The following STXBP6 variants were observed in gnomAD, a reference collection of about 807,000 sequenced individuals.
STXBP6 encodes the protein syntaxin-binding protein 6.
In STXBP6, 21 loss-of-function variants were observed where a neutral mutation model predicts 26.9. That is an observed-to-expected ratio of 0.78 (90% CI 0.55 to 1.12). The LOEUF (loss-of-function observed/expected upper bound fraction) is 1.12. STXBP6 is among the 50% of genes most tolerant of loss of function. STXBP6 has a pLI of 0.00. For synonymous variants in STXBP6, 97 were observed against 92.6 expected, an observed-to-expected ratio of 1.05 and a Z score of -0.27; for missense variants, 232 against 257.9, an observed-to-expected ratio of 0.90 and a Z score of 0.69.
intron 1 of STXBP6, among the ~76,000 whole-genome samples, chr14:25,036,478 T>C (rs117586340): frequency 2.1e-4 from 32 of 152,284 alleles, no homozygotes; most frequent in Non-Finnish European, 4.3e-4. Flanking sequence ...TGAAAGTCTT[T>C]ACTGTACACA....
chr14:25,030,895 C>T (rs1051166718), intron 1 of STXBP6, among the ~76,000 whole-genome samples: 1 of 151,826 alleles, frequency 6.6e-6, no homozygotes, highest in Non-Finnish European at 1.5e-5. Flanking sequence ...TAGACACATC[C>T]CGATTTCCTT....
chr14:24,823,807 A>G (rs2068207774), intron 4 of STXBP6, among the ~76,000 whole-genome samples: 1 of 152,214 alleles, frequency 6.6e-6, no homozygotes, highest in African/African-American at 2.4e-5. Flanking sequence ...TTTTGGGAAA[A>G]TATAAATGTG....
In STXBP6 at chr14:24,812,658, G is replaced by C. The variant is rs753546013; in HGVS notation, c.*51C>G. ...GTCCCGAATTCTTGTAAAAACTGCT[G>C]AACAAACTCTTCAGTTTCTCTTAAG... On this transcript the variant is annotated 3_prime_UTR_variant, in exon 6 of 6. Transcript: ENST00000323944. 10 of 1,593,446 alleles carry C rather than the reference G, an allele frequency of 6.3e-6. No homozygotes were observed. The highest frequency in any genetic ancestry group is 1.7e-5 in the Admixed American group (1 of 59,912).
chr14:24,843,922 C>T (rs762397395), intron 4 of STXBP6, among the ~76,000 whole-genome samples: 2 of 152,150 alleles, frequency 1.3e-5, no homozygotes, highest in Non-Finnish European at 2.9e-5. Flanking sequence ...TTCAATAATA[C>T]CTGAGTTTAT....
chr14:24,979,596 T>G (rs1174006250), intron 1 of STXBP6, among the ~76,000 whole-genome samples: 1 of 152,238 alleles, frequency 6.6e-6, no homozygotes, highest in African/African-American at 2.4e-5. Context: ...ATAATGTTGA[T>G]GACACTAATC....
At chr14:24,861,085 T>C (rs1224006509) in intron 2 of STXBP6, among the ~76,000 whole-genome samples, 2 of 152,046 alleles carry the variant, frequency 1.3e-5, no homozygotes, top group Non-Finnish European at 2.9e-5. Context: ...CTGCACTAAA[T>C]AGCTATAGTT....
chr14:25,019,130 A>T (rs1232170961), intron 1 of STXBP6, among the ~76,000 whole-genome samples: 5 of 152,246 alleles, frequency 3.3e-5, no homozygotes, highest in Non-Finnish European at 7.3e-5. Context: ...ATTTGTCCAT[A>T]GAAACATGCT....
At chr14:25,043,379 A>AT (rs766073366) in intron 1 of STXBP6, among the ~76,000 whole-genome samples, 1 of 151,728 alleles carries the variant, frequency 6.6e-6, no homozygotes, top group Admixed American at 6.6e-5. Context: ...TTGTCTCATC[A>AT]TTTTTTTTTA....
intron 2 of STXBP6, among the ~76,000 whole-genome samples, chr14:24,930,431 T>A (rs1483924689): frequency 6.6e-6 from 1 of 152,240 alleles, no homozygotes; most frequent in Non-Finnish European, 1.5e-5. Context: ...TACCTGTGTA[T>A]GATGTCCTTG....
At chr14:24,975,848 A>C (rs1691388788) in intron 1 of STXBP6, among the ~76,000 whole-genome samples, 2 of 152,230 alleles carry the variant, frequency 1.3e-5, no homozygotes, top group Non-Finnish European at 2.9e-5. Context: ...AACTTGAGTA[A>C]ACTTTCTCCA....
intron 1 of STXBP6, among the ~76,000 whole-genome samples, chr14:25,036,719 G>A (rs920411557): frequency 1.3e-5 from 2 of 151,968 alleles, no homozygotes; most frequent in Non-Finnish European, 2.9e-5. Context: ...AGCCGGGCGT[G>A]GTGGCAGGCG....
At chr14:24,925,725 T>C (rs2072139466) in intron 2 of STXBP6, among the ~76,000 whole-genome samples, 1 of 152,182 alleles carries the variant, frequency 6.6e-6, no homozygotes, top group South Asian at 2.1e-4. Context: ...CTTAACTAGT[T>C]GACTTTGGAA....
rs2139769220 is a variant in STXBP6 at position 24,916,301 on chromosome 14, G to A, written c.154+58364C>T. ...ATCCTATTTTATTCTTAAATCAGCT[G>A]GGGAAATCTATAAATCAGCCAGTTG... On this transcript the variant is annotated intron_variant, in intron 2 of 5. Coordinates refer to ENST00000323944, the MANE Select transcript of STXBP6 (RefSeq NM_001394410.1). Among the ~76,000 whole-genome samples, 2 of 152,184 alleles carry A rather than the reference G, an allele frequency of 1.3e-5. 1 individual carries two copies. Among genetic ancestry groups the A allele is most frequent in the South Asian group, 4.1e-4 (2 of 4,826 alleles).
At chr14:24,971,299 T>C (rs964471930) in intron 2 of STXBP6, among the ~76,000 whole-genome samples, 2 of 152,236 alleles carry the variant, frequency 1.3e-5, no homozygotes, top group African/African-American at 4.8e-5. Context: ...TCTAGATGCA[T>C]ATTTTGGCAA....
intron 1 of STXBP6, among the ~76,000 whole-genome samples, chr14:25,020,865 C>G (rs1008523678): frequency 1.3e-5 from 2 of 152,146 alleles, no homozygotes; most frequent in Non-Finnish European, 2.9e-5. Context: ...CCGCCCAACC[C>G]CAGTCTTAGA....
intron 2 of STXBP6, among the ~76,000 whole-genome samples, chr14:24,874,434 G>C (rs902306323): frequency 4.6e-5 from 7 of 152,042 alleles, no homozygotes; most frequent in Non-Finnish European, 1.0e-4. Context: ...CCTTGCCCTA[G>C]TTCCACCGAC....
intron 4 of STXBP6, among the ~76,000 whole-genome samples, chr14:24,847,851 G>A (rs1444303054): frequency 6.6e-6 from 1 of 152,184 alleles, no homozygotes; most frequent in South Asian, 2.1e-4. Context: ...TTTAAACATT[G>A]TTGTTTTGGT....
At chr14:24,987,481 G>A (rs2074362194) in intron 1 of STXBP6, among the ~76,000 whole-genome samples, 1 of 152,202 alleles carries the variant, frequency 6.6e-6, no homozygotes, top group Admixed American at 6.5e-5. Context: ...CACCTGGGGT[G>A]TCCTGATTCT....
chr14:24,980,115 TTATTA>T (rs1251042518), intron 1 of STXBP6, among the ~76,000 whole-genome samples: 3 of 152,236 alleles, frequency 2.0e-5, no homozygotes, highest in South Asian at 2.1e-4. Context: ...AAAACAGATG[TTATTA>T]TATATCACTA....
Sources: gnomAD v4.1 joint callset for allele counts (sites outside exome capture counted in the v4.1 genomes callset) on GRCh38, gnomAD v4.1.1 for gene constraint, MANE v1.5 for transcripts, NCBI Gene and HGNC (gene_info 2026-07-23, HGNC 2026-07-21) for gene names.